The following FRMD6 variants were observed in gnomAD, a reference collection of about 807,000 sequenced individuals.
FRMD6 encodes the protein FERM domain-containing protein 6.
FRMD6 carries 37 observed loss-of-function variants against 73.2 expected under a neutral mutation model. The observed-to-expected ratio is 0.51, with a 90% CI of 0.39 to 0.66. FRMD6 has a LOEUF of 0.66. Ranked by LOEUF, FRMD6 falls within the 30% of genes least tolerant of loss-of-function variation. The probability of loss-of-function intolerance (pLI) is 0.00; values close to 1 mark genes in which losing one functional copy is unlikely to be tolerated. For synonymous variants in FRMD6, 273 were observed against 282.2 expected (o/e 0.97, Z 0.33); for missense variants, 714 against 780.5 (o/e 0.91, Z 1.02).
chr14:51,419,308 T>C, the FRMD6 span, among the ~76,000 whole-genome samples: 1 of 152,162 alleles, frequency 6.6e-6, no homozygotes. Flanking sequence ...TTTGGCCATC[T>C]TGGACTAATT....
intron 2 of FRMD6, among the ~76,000 whole-genome samples, chr14:51,581,456 TCTC>T (rs1888719125): frequency 6.6e-6 from 1 of 152,128 alleles, no homozygotes; most frequent in Admixed American, 6.5e-5. Flanking sequence ...TTATAATCAT[TCTC>T]CTCTTTCTTC....
chr14:51,719,303 G>A (rs897811177), intron 10 of FRMD6, among the ~76,000 whole-genome samples: 1 of 152,188 alleles, frequency 6.6e-6, no homozygotes, highest in Non-Finnish European at 1.5e-5. Context: ...TGAAATCAAA[G>A]AACAGCTTTA....
At chr14:51,691,843 C>T (rs146208158) in intron 2 of FRMD6, among the ~76,000 whole-genome samples, 3,310 of 152,046 alleles carry the variant, frequency 0.022, 130 homozygotes, top group African/African-American at 0.075. Flanking sequence ...GATCTGTCTG[C>T]CTCAGCCTCC....
At chr14:51,474,237 A>G in the FRMD6 span, among the ~76,000 whole-genome samples, 2 of 152,218 alleles carry the variant, frequency 1.3e-5, no homozygotes, top group African/African-American at 2.4e-5. Context: ...CTTATTTGTC[A>G]TCATTGCTGT....
chr14:51,680,870 A>G (rs1236242398), intron 1 of FRMD6, among the ~76,000 whole-genome samples: 1 of 152,074 alleles, frequency 6.6e-6, no homozygotes, highest in Non-Finnish European at 1.5e-5. Context: ...ACTTTTGTTC[A>G]GAAATGTTGA....
At chr14:51,444,127 C>T in the FRMD6 span, among the ~76,000 whole-genome samples, 1 of 152,108 alleles carries the variant, frequency 6.6e-6, no homozygotes, top group South Asian at 2.1e-4. Context: ...CAGGGTTTTG[C>T]CATGTTGACC....
chr14:51,720,236 G>A lies in FRMD6; in HGVS notation c.1206G>A (p.Lys402=), dbSNP rs201223568. 1.9e-6 allele frequency: 3 copies of A among 1,613,936 alleles called. No homozygotes were observed. The highest frequency in any genetic ancestry group is 3.3e-5 in the Admixed American group (2 of 59,992). The change falls in exon 11 of 14, where the codon AAG becomes AAA. Residue 402 remains lysine (K), a synonymous_variant. Coordinates refer to ENST00000344768, the MANE Select transcript of FRMD6 (RefSeq NM_001267046.2). The part of the protein sequence containing the change: ...SHTSGIEADT[K]PRDTGPEDSY... ...CCTCGGGCATTGAGGCAGACACCAA[G>A]CCCCGGGACACGGGGCCAGAAGACA...
At chr14:51,428,270 G>A in the FRMD6 span, among the ~76,000 whole-genome samples, 1 of 152,092 alleles carries the variant, frequency 6.6e-6, no homozygotes, top group Admixed American at 6.5e-5. Context: ...TGCCCAGGCT[G>A]CCCCCCACCC....
intron 1 of FRMD6, among the ~76,000 whole-genome samples, chr14:51,668,585 C>T (rs1893772294): frequency 6.6e-6 from 1 of 152,092 alleles, no homozygotes; most frequent in Non-Finnish European, 1.5e-5. Flanking sequence ...GGATTACAGG[C>T]ATGAGCCACC....
intron 2 of FRMD6, among the ~76,000 whole-genome samples, chr14:51,578,723 C>T (rs747027725): frequency 1.9e-4 from 29 of 152,090 alleles, no homozygotes; most frequent in Non-Finnish European, 7.3e-5. Context: ...ATTATGATCC[C>T]CAATTTATAG....
intron 6 of FRMD6, 22 bp downstream of exon 6, chr14:51,704,957 G>T (rs777431867): frequency 6.3e-7 from 1 of 1,583,662 alleles, no homozygotes; most frequent in Non-Finnish European, 8.6e-7. Context: ...TTTCAAATTC[G>T]AAAGAGTGTT....
chr14:51,635,227 C>G (rs1468572305), intron 2 of FRMD6, among the ~76,000 whole-genome samples: 1 of 152,108 alleles, frequency 6.6e-6, no homozygotes, highest in Non-Finnish European at 1.5e-5. Flanking sequence ...CAATTCAATT[C>G]AAATAAATAA....
intron 1 of FRMD6, among the ~76,000 whole-genome samples, chr14:51,672,705 C>T (rs1894097000): frequency 6.6e-6 from 1 of 152,016 alleles, no homozygotes; most frequent in African/African-American, 2.4e-5. Context: ...TAGGGCTATT[C>T]AGGTTATCTA....
At chr14:51,654,321 T>C (rs1390719518) in intron 1 of FRMD6, among the ~76,000 whole-genome samples, 1 of 150,636 alleles carries the variant, frequency 6.6e-6, no homozygotes, top group East Asian at 2.0e-4. Flanking sequence ...GGGGGTCTTT[T>C]TGTAGTTTTT....
At chr14:51,694,484 G>A (rs1895811416) in intron 2 of FRMD6, among the ~76,000 whole-genome samples, 1 of 152,146 alleles carries the variant, frequency 6.6e-6, no homozygotes, top group Non-Finnish European at 1.5e-5. Context: ...GAGGTTAGGA[G>A]ATTGAGACCA....
chr14:51,460,818 T>A, the FRMD6 span, among the ~76,000 whole-genome samples: 1 of 152,234 alleles, frequency 6.6e-6, no homozygotes, highest in Non-Finnish European at 1.5e-5. Context: ...GATTGAGAAC[T>A]AAGCATTTTA....
intron 1 of FRMD6, among the ~76,000 whole-genome samples, chr14:51,668,536 C>A (rs1266167496): frequency 6.6e-6 from 1 of 152,000 alleles, no homozygotes; most frequent in Non-Finnish European, 1.5e-5. Flanking sequence ...GAACCCCTGG[C>A]CTCAAGTGAT....
chr14:51,645,174 T>C (rs1039597251), intron 2 of FRMD6, among the ~76,000 whole-genome samples: 3 of 152,242 alleles, frequency 2.0e-5, no homozygotes, highest in Admixed American at 1.3e-4. Flanking sequence ...TTTGGTTTCA[T>C]AGCCAAGCCA....
At chr14:51,455,956 C>T in the FRMD6 span, among the ~76,000 whole-genome samples, 1 of 152,118 alleles carries the variant, frequency 6.6e-6, no homozygotes, top group Non-Finnish European at 1.5e-5. Flanking sequence ...AGGTCTTGGA[C>T]CTGTGCCTGA....
Sources: allele counts gnomAD v4.1 joint callset (sites outside exome capture counted in the v4.1 genomes callset), GRCh38; gene constraint gnomAD v4.1.1; transcripts MANE v1.5; gene names NCBI Gene and HGNC (gene_info 2026-07-23, HGNC 2026-07-21).